The following TFEC variants were observed in gnomAD, a reference collection of about 807,000 sequenced individuals.
The protein encoded by TFEC is transcription factor EC.
In TFEC, 31 loss-of-function variants were observed where a neutral mutation model predicts 41.6. The ratio of observed to expected loss-of-function variants is 0.74; its 90% confidence interval spans 0.56 to 1.01. TFEC has a LOEUF of 1.01. Among genes scored for constraint, TFEC ranks in the 50% least tolerant of loss-of-function variants. TFEC has a pLI of 0.00. For missense variants in TFEC, 402 were observed against 404.1 expected (o/e 0.99, Z 0.04); for synonymous variants, 143 against 140.6 (o/e 1.02, Z -0.12).
intron 3 of TFEC, among the ~76,000 whole-genome samples, chr7:116,091,374 G>A (rs1797324102): frequency 6.6e-6 from 1 of 152,104 alleles, no homozygotes; most frequent in South Asian, 2.1e-4. Flanking sequence ...CTAAATAAAA[G>A]TAAATGTGTA....
intron 3 of TFEC, among the ~76,000 whole-genome samples, chr7:115,965,072 G>A (rs1792775314): frequency 6.6e-6 from 1 of 151,560 alleles, no homozygotes; most frequent in Non-Finnish European, 1.5e-5. Context: ...CTTTTTAAAT[G>A]CCTAACTGGA....
At chr7:116,103,431 C>G (rs1381073172) in intron 3 of TFEC, among the ~76,000 whole-genome samples, 1 of 152,084 alleles carries the variant, frequency 6.6e-6, no homozygotes, top group Non-Finnish European at 1.5e-5. Context: ...AACCTAAACT[C>G]TAGAAACCTG....
intron 3 of TFEC, among the ~76,000 whole-genome samples, chr7:116,078,874 C>T (rs1014570011): frequency 6.6e-6 from 1 of 151,814 alleles, no homozygotes; most frequent in Non-Finnish European, 1.5e-5. Context: ...AAGGACATAA[C>T]CAAAAAATAA....
Position 116,099,532 on chromosome 7 carries a change from C to T in TFEC, c.198+11176G>A, listed in dbSNP as rs181048736. ...ATAACTTCCACATTACGACCAGTCC[C>T]CTTTCTTCTTGCTTTTAGATCCACA... is the stretch of plus-strand genomic sequence containing the variant. On this transcript the variant is annotated intron_variant, in intron 3 of 8. Coordinates refer to the TFEC transcript ENST00000484212. Among the ~76,000 whole-genome samples, 4 of 152,328 alleles carry T rather than the reference C, an allele frequency of 2.6e-5. No homozygotes were observed. The East Asian group carries it at 5.8e-4, about 22-fold the overall frequency.
At chr7:116,146,406 G>A (rs1798641496) in intron 1 of TFEC, among the ~76,000 whole-genome samples, 1 of 152,200 alleles carries the variant, frequency 6.6e-6, no homozygotes, top group South Asian at 2.1e-4. Flanking sequence ...TGTCTATGGA[G>A]ATACCTGCCT....
intron 1 of TFEC, among the ~76,000 whole-genome samples, chr7:116,005,153 T>A (rs1023903635): frequency 2.0e-5 from 3 of 152,132 alleles, no homozygotes; most frequent in South Asian, 2.1e-4. Flanking sequence ...ATCAGCAGCA[T>A]GAAAATGGAC....
At chr7:115,952,619 G>A (rs1792006240) in intron 5 of TFEC, among the ~76,000 whole-genome samples, 1 of 152,024 alleles carries the variant, frequency 6.6e-6, no homozygotes, top group African/African-American at 2.4e-5. Flanking sequence ...TTAGGTAGTA[G>A]TCTATGAATT....
At chr7:116,138,687 G>T (rs917567308) in intron 1 of TFEC, among the ~76,000 whole-genome samples, 4 of 152,246 alleles carry the variant, frequency 2.6e-5, no homozygotes, top group African/African-American at 9.6e-5. Context: ...AAAATCCTTA[G>T]AGAAAAAGTT....
At position 115,940,949 on chromosome 7, in the gene TFEC, A is replaced by T; in HGVS notation, c.664-18T>A. The T allele has an allele frequency of 6.5e-7, 1 of 1,544,916 alleles. No individual in the cohort carries two copies. The highest frequency in any genetic ancestry group is 8.7e-7 in the Non-Finnish European group (1 of 1,144,516). ...TCTAGTTCCTGTAATTTCAAACGAA[A>T]ATCATTAAATAATGTCTTTGAAATT... On this transcript the variant is annotated intron_variant, in intron 7 of 7. Transcript: ENST00000265440.
At chr7:115,952,536 TGTCAC>T (rs1236523281) in intron 5 of TFEC, among the ~76,000 whole-genome samples, 3 of 152,100 alleles carry the variant, frequency 2.0e-5, no homozygotes, top group Non-Finnish European at 4.4e-5. Context: ...GTTTTTGTCC[TGTCAC>T]ATTTCTTTAA....
chr7:116,093,161 G>A (rs943432527), intron 3 of TFEC, among the ~76,000 whole-genome samples: 1 of 152,046 alleles, frequency 6.6e-6, no homozygotes, highest in African/African-American at 2.4e-5. Flanking sequence ...TTGTCCTCAC[G>A]GGAAAATCTC....
intron 3 of TFEC, among the ~76,000 whole-genome samples, chr7:116,049,784 A>G (rs1175896394): frequency 6.6e-6 from 1 of 152,242 alleles, no homozygotes; most frequent in Non-Finnish European, 1.5e-5. Context: ...ACTGTCTCTC[A>G]GACCACAGTG....
intron 3 of TFEC, among the ~76,000 whole-genome samples, chr7:116,079,663 G>C (rs1797043156): frequency 6.6e-6 from 1 of 152,048 alleles, no homozygotes; most frequent in South Asian, 2.1e-4. Flanking sequence ...ACAAAACACT[G>C]CTGAAAGAAA....
At position 116,135,840 on chromosome 7, in the gene TFEC, T is replaced by G. The variant is rs1487839542; in HGVS notation, c.-68-23802A>C. 2.0e-5 allele frequency among the ~76,000 whole-genome samples: 3 copies of G among 152,264 alleles called. No individual in the cohort carries two copies. In the East Asian group the frequency reaches 5.8e-4, roughly 29 times the overall value. ...ATAGTATGAGGAGAATTTGCATTTC[T>G]AATTTTTAATCCAATTAAACTAAGA... On this transcript the variant is annotated intron_variant, in intron 1 of 8. Coordinates refer to the TFEC transcript ENST00000484212.
chr7:116,078,843 A>AGAAGT (rs1157881473), intron 3 of TFEC, among the ~76,000 whole-genome samples: 2 of 152,144 alleles, frequency 1.3e-5, no homozygotes, highest in African/African-American at 4.8e-5. Flanking sequence ...AGTCAATATC[A>AGAAGT]CCCTAATACC....
At chr7:116,158,865 T>A (rs574901361) in intron 1 of TFEC, among the ~76,000 whole-genome samples, 4 of 152,196 alleles carry the variant, frequency 2.6e-5, no homozygotes, top group African/African-American at 9.6e-5. Flanking sequence ...TTTTTGATAT[T>A]TGCTCATATT....
At chr7:116,001,554 AC>A (rs1448200110) in intron 1 of TFEC, among the ~76,000 whole-genome samples, 3 of 152,060 alleles carry the variant, frequency 2.0e-5, no homozygotes, top group South Asian at 2.1e-4. Flanking sequence ...AACAAAAAAA[AC>A]ATTGGGGAAA....
At chr7:116,054,059 AGG>A (rs1796374741) in intron 3 of TFEC, among the ~76,000 whole-genome samples, 2 of 152,232 alleles carry the variant, frequency 1.3e-5, no homozygotes, top group African/African-American at 4.8e-5. Flanking sequence ...AGGTGAAGGC[AGG>A]GAAATGCTTT....
At chr7:115,959,816 A>C (rs911625817) in intron 3 of TFEC, among the ~76,000 whole-genome samples, 1 of 151,686 alleles carries the variant, frequency 6.6e-6, no homozygotes. Context: ...AAGGAAAAAG[A>C]CTAAGAAATA....
Sources: allele counts gnomAD v4.1 joint callset (sites outside exome capture counted in the v4.1 genomes callset), GRCh38; gene constraint gnomAD v4.1.1; transcripts MANE v1.5; gene names NCBI Gene and HGNC (gene_info 2026-07-23, HGNC 2026-07-21).